Variants in ATXN7 observed in about 807,000 individuals in gnomAD.
ATXN7 encodes ataxin-7.
In ATXN7, 12 loss-of-function variants were observed where a neutral mutation model predicts 70.5. That is an observed-to-expected ratio of 0.17 (90% confidence interval 0.11 to 0.28). ATXN7 has a LOEUF of 0.28. ATXN7 is among the 10% of genes least tolerant of loss of function. ATXN7 has a pLI of 1.00. For missense variants in ATXN7, 1,256 were observed against 1,131.7 expected, an observed-to-expected ratio of 1.11 and a Z score of -1.58; for synonymous variants, 498 against 448.7, an observed-to-expected ratio of 1.11 and a Z score of -1.39.
intron 6 of ATXN7, chr3:63,980,472 T>TA (rs1372654389): frequency 3.4e-6 from 1 of 298,490 alleles, no homozygotes; most frequent in Admixed American, 4.5e-5. Context: ...TAGGTACTGT[T>TA]ACTATCCTCG....
At chr3:63,878,662 A>G (rs771323556) in intron 1 of ATXN7, 16 of 152,212 alleles carry the variant, frequency 1.1e-4, no homozygotes, top group Non-Finnish European at 4.4e-5. Flanking sequence ...TCAGGATGAC[A>G]TGGGTTTCTG....
chr3:63,910,980 C>T (rs1280871454), intron 2 of ATXN7, among the ~76,000 whole-genome samples: 1 of 151,682 alleles, frequency 6.6e-6, no homozygotes, highest in Non-Finnish European at 1.5e-5. Flanking sequence ...TGTGTTTCTG[C>T]AAGTTGGACC....
intron 4 of ATXN7, among the ~76,000 whole-genome samples, chr3:63,951,285 C>G (rs928828446): frequency 1.3e-5 from 2 of 151,826 alleles, no homozygotes; most frequent in African/African-American, 4.8e-5. Flanking sequence ...AGAGATTATC[C>G]TCACTTGACA....
rs59256288 is a variant in ATXN7 at position 63,952,835 on chromosome 3, CTTTTTT to C, written c.499+378_499+383del. Among the ~76,000 whole-genome samples the C allele has an allele frequency of 2.6e-3, 126 of 49,118 alleles. 1 individual carries two copies. The highest frequency in any genetic ancestry group is 0.011 in the African/African-American group (109 of 9,768). The allele number at this position is 49,118 out of a possible 152,430, so 32.2% of individuals were successfully genotyped here. ...ACACTCACAATATGGATGCATGGGCCTTTTTTTTTTTTTTTTTTTTTTTTTTTTTTT... is the reference window on the plus strand; with the variant it reads ...ACACTCACAATATGGATGCATGGGCCTTTTTTTTTTTTTTTTTTTTTTTTT... On this transcript the variant is annotated intron_variant, in intron 5 of 12. Transcript: ENST00000674280.
chr3:63,912,751 G>T lies in ATXN7; in HGVS notation c.153G>T (p.Pro51=). ...CGCAGCCCCAGCGGCAGCAGCACCC[G>T]CCACCGCCGCCACGGCGCACACGGC... ...PPPQPQRQQH[P]PPPPRRTRPE... Residue 51 remains proline, a synonymous_variant, in exon 3 of 13, where the codon CCG becomes CCT. Coordinates refer to ENST00000674280, the MANE Select transcript of ATXN7 (RefSeq NM_001377405.1). The T allele has an allele frequency of 3.8e-6, 5 of 1,307,014 alleles. No homozygotes were observed. Among genetic ancestry groups the T allele is most frequent in the Non-Finnish European group, 4.9e-6 (5 of 1,027,180 alleles). 81.0% of individuals were successfully genotyped at this position (1,307,014 alleles called of 1,614,324 possible).
Position 63,982,340 on chromosome 3 carries a change from C to T in ATXN7, c.907C>T (p.Pro303Ser), listed in dbSNP as rs746669458. 1 of 1,614,054 alleles carries T rather than the reference C, an allele frequency of 6.2e-7. No individual in the cohort carries two copies. The highest frequency in any genetic ancestry group is 8.5e-7 in the Non-Finnish European group (1 of 1,180,038). The stretch of plus-strand genomic sequence containing the variant: ...AATACCAAAGCCAACCTTGCCTTCA[C>T]CTGGACAGATTCTGAATGGCAAAGG... Reference protein sequence around the residue: ...PSIPKPTLPSPGQILNGKGLP... With the variant: ...PSIPKPTLPSSGQILNGKGLP... The change falls in exon 7 of 13, where the codon CCT becomes TCT. Residue 303 changes from proline to serine, a missense_variant. By Grantham distance (74) the Pro-to-Ser change is moderately conservative. Transcript: ENST00000674280.
intron 5 of ATXN7, among the ~76,000 whole-genome samples, chr3:63,964,060 C>T (rs1230858960): frequency 7.3e-6 from 1 of 137,320 alleles, no homozygotes; most frequent in African/African-American, 3.0e-5. Context: ...TTACAATGTT[C>T]CTTAGACACA....
Position 63,912,684 on chromosome 3 carries a change from GGCAGCAGCAGCA to G in ATXN7, c.107_118del (p.Gln36_Gln39del), listed in dbSNP as rs193922929. The G allele has an allele frequency of 1.7e-4, 181 of 1,087,036 alleles. No homozygotes were observed. The highest frequency in any genetic ancestry group is 4.7e-4 in the African/African-American group (27 of 57,602). 67.3% of individuals were successfully genotyped at this position (1,087,036 alleles called of 1,614,324 possible). A position where few individuals can be genotyped will look rare whatever the true frequency, so the allele number is the denominator to read the frequency against. On this transcript the variant is annotated inframe_deletion, in exon 3 of 13. Coordinates refer to ENST00000674280, the MANE Select transcript of ATXN7 (RefSeq NM_001377405.1). ...GGCGGAGCAGCGGCCGCGGCCGCCC[GGCAGCAGCAGCA>G]GCAGCAGCAGCAGCAGCAGCCGCCG...
intron 5 of ATXN7, among the ~76,000 whole-genome samples, chr3:63,962,573 T>C (rs1444677108): frequency 6.6e-6 from 1 of 151,724 alleles, no homozygotes; most frequent in Non-Finnish European, 1.5e-5. Flanking sequence ...CCCAGCTAAT[T>C]TGTGCATTTT....
intron 1 of ATXN7, among the ~76,000 whole-genome samples, chr3:63,874,802 G>T (rs1702702560): frequency 6.6e-6 from 1 of 152,184 alleles, no homozygotes; most frequent in Admixed American, 6.5e-5. Flanking sequence ...ACGTTGGTGT[G>T]TGTCTTAGTC....
intron 6 of ATXN7, chr3:63,980,595 G>A (rs1182270289): frequency 5.5e-6 from 1 of 182,744 alleles, no homozygotes; most frequent in African/African-American, 2.4e-5. Context: ...TTAGCTGTAG[G>A]GGTTTGGGCA....
chr3:63,929,914 C>T lies in ATXN7; in HGVS notation c.394+16689C>T, dbSNP rs533503787. ...CTGTCCCAGAACCCTGTCCTTGGCT[C>T]ATCACACAGTGGTTCACACTGTATA... On this transcript the variant is annotated intron_variant, in intron 4 of 12. Transcript: ENST00000674280. Among the ~76,000 whole-genome samples, 435 of 152,282 alleles carry T rather than the reference C, an allele frequency of 2.9e-3. 1 individual carries two copies. The highest frequency in any genetic ancestry group is 4.6e-3 in the Non-Finnish European group (314 of 68,016).
At chr3:63,953,141 A>T (rs374740445) in intron 5 of ATXN7, among the ~76,000 whole-genome samples, 1 of 152,142 alleles carries the variant, frequency 6.6e-6, no homozygotes, top group Admixed American at 6.5e-5. Flanking sequence ...CTAACTAGAT[A>T]TACTTTAAAA....
Position 63,913,314 on chromosome 3 carries a change from A to ACCGACTCC in ATXN7, c.394+101_394+108dup, listed in dbSNP as rs934187692. On this transcript the variant is annotated intron_variant, in intron 4 of 12. Transcript: ENST00000674280. ...GGGACCGGGAACATCAGCCCACCAT[A>ACCGACTCC]CCGACTCCCCGACTCCCCGTGCCTG... is the stretch of plus-strand genomic sequence containing the variant. The ACCGACTCC allele has an allele frequency of 6.1e-5, 81 of 1,330,094 alleles. No individual in the cohort carries two copies. In the Admixed American group the frequency reaches 7.5e-4, roughly 12 times the overall value. The allele number at this position is 1,330,094 out of a possible 1,614,324, so 82.4% of individuals were successfully genotyped here. A position where few individuals can be genotyped will look rare whatever the true frequency, so the allele number is the denominator to read the frequency against.
At chr3:63,931,099 TTTTG>T (rs538562459) in intron 4 of ATXN7, among the ~76,000 whole-genome samples, 315 of 151,866 alleles carry the variant, frequency 2.1e-3, no homozygotes, top group African/African-American at 6.8e-3. Flanking sequence ...ACAGTAGAAG[TTTTG>T]TTTGTTTGTT....
chr3:63,896,485 A>G (rs1703453160), intron 1 of ATXN7, among the ~76,000 whole-genome samples: 1 of 152,142 alleles, frequency 6.6e-6, no homozygotes, highest in African/African-American at 2.4e-5. Flanking sequence ...AATATCACCA[A>G]AGGCCCGGAT....
intron 1 of ATXN7, among the ~76,000 whole-genome samples, chr3:63,875,068 G>A (rs967575882): frequency 1.3e-5 from 2 of 152,142 alleles, no homozygotes; most frequent in African/African-American, 2.4e-5. Context: ...CCTGCAGAAG[G>A]TCCCACATCC....
rs2075647213 is a variant in ATXN7, at chr3:63,990,212, C to T, written c.1398C>T (p.Ala466=). ...GCCCTGCTCAGCAAGGTGGGAGTGC[C>T]CCCATTGACCCTCCTCCAGTCCATG... The part of the protein sequence containing the change: ...PGCPAQQGGS[A]PIDPPPVHES... Residue 466 remains alanine, a synonymous_variant, in exon 10 of 13, where the codon GCC becomes GCT. Coordinates refer to ENST00000674280, the MANE Select transcript of ATXN7 (RefSeq NM_001377405.1). 1 of 1,613,464 alleles carries T rather than the reference C, an allele frequency of 6.2e-7. No homozygotes were observed. Among genetic ancestry groups the T allele is most frequent in the Admixed American group, 1.7e-5 (1 of 60,000 alleles).
At chr3:63,969,153 A>C (rs1231034745) in intron 5 of ATXN7, among the ~76,000 whole-genome samples, 1 of 152,214 alleles carries the variant, frequency 6.6e-6, no homozygotes. Flanking sequence ...AAACATTGGC[A>C]TTCCTGGGTA....
Sources: gnomAD v4.1 joint callset for allele counts (sites outside exome capture counted in the v4.1 genomes callset) on GRCh38, gnomAD v4.1.1 for gene constraint, MANE v1.5 for transcripts, NCBI Gene and HGNC (gene_info 2026-07-23, HGNC 2026-07-21) for gene names.